The following OTOGL variants were observed in gnomAD, a reference collection of about 807,000 sequenced individuals.
OTOGL encodes the protein otogelin like.
A neutral mutation model predicts 318.5 loss-of-function variants in OTOGL; 285 were observed. The ratio of observed to expected loss-of-function variants is 0.89; its 90% confidence interval spans 0.81 to 0.99. OTOGL has a LOEUF of 0.99. Ranked by LOEUF, OTOGL falls within the 50% of genes least tolerant of loss-of-function variation. The pLI is 0.00. For missense variants in OTOGL, 2,899 were observed against 2,845.6 expected (o/e 1.02, Z -0.43); for synonymous variants, 987 against 936.5 (o/e 1.05, Z -0.99).
intron 26 of OTOGL, among the ~76,000 whole-genome samples, chr12:80,285,750 T>C (rs1379549064): frequency 6.6e-6 from 1 of 152,194 alleles, no homozygotes; most frequent in Non-Finnish European, 1.5e-5. Flanking sequence ...TGAAGTTGCT[T>C]ATCAGCTTAA....
At chr12:80,283,639 T>C (rs1884397078) in intron 26 of OTOGL, among the ~76,000 whole-genome samples, 1 of 152,030 alleles carries the variant, frequency 6.6e-6, no homozygotes, top group Non-Finnish European at 1.5e-5. Flanking sequence ...TTGTTTGACT[T>C]TTTTCAACAG....
chr12:80,214,605 C>G (rs1227996933), intron 4 of OTOGL, among the ~76,000 whole-genome samples: 2 of 152,098 alleles, frequency 1.3e-5, no homozygotes, highest in African/African-American at 4.8e-5. Flanking sequence ...CTGCTGCAGT[C>G]GTGGCTCTAA....
At chr12:80,124,252 A>C (rs1870670465) in intron 1 of OTOGL, among the ~76,000 whole-genome samples, 1 of 152,310 alleles carries the variant, frequency 6.6e-6, no homozygotes, top group East Asian at 1.9e-4. Context: ...AGCTTTCTGC[A>C]TATGTCTAGC....
At chr12:80,219,108 C>T (rs902828484) in intron 5 of OTOGL, among the ~76,000 whole-genome samples, 3 of 151,642 alleles carry the variant, frequency 2.0e-5, no homozygotes, top group Admixed American at 6.6e-5. Flanking sequence ...ATGATTGACC[C>T]GATTCTTTTT....
intron 23 of OTOGL, 34 bp downstream of exon 23, chr12:80,270,188 G>A (rs769884281): frequency 1.3e-6 from 2 of 1,530,024 alleles, no homozygotes; most frequent in Non-Finnish European, 1.8e-6. Context: ...CTGAATGAGG[G>A]TTCAGCTCTG....
chr12:80,273,156 C>T (rs1480659789), intron 24 of OTOGL, among the ~76,000 whole-genome samples: 1 of 152,048 alleles, frequency 6.6e-6, no homozygotes, highest in Non-Finnish European at 1.5e-5. Context: ...AGATTTCCTC[C>T]TACCTTCTCT....
intron 36 of OTOGL, 28 bp downstream of exon 36, chr12:80,328,772 C>A: frequency 6.5e-7 from 1 of 1,543,798 alleles, no homozygotes; most frequent in South Asian, 1.2e-5. Flanking sequence ...TTAATTTACT[C>A]TGAAAAATTA....
rs1169459783 is a variant in OTOGL, at chr12:80,310,626, G to A, written c.3349G>A (p.Glu1117Lys). 6.9e-6 allele frequency: 11 copies of A among 1,590,340 alleles called. No individual in the cohort carries two copies. Among genetic ancestry groups the A allele is most frequent in the Non-Finnish European group, 8.5e-6 (10 of 1,172,160 alleles). Residue 1117 changes from glutamate (E) to lysine (K), a missense_variant, in exon 30 of 59, where the codon GAA (glutamate) becomes AAA (lysine). This residue lies in a region of OTOGL where 2,607 missense variants were observed against 2,524.9 expected (regional missense o/e 1.03). Coordinates refer to ENST00000547103, the MANE Select transcript of OTOGL (RefSeq NM_001378609.3). ...WALGQCESPD[E>K]TIKPCEAHQN... ...TTTTCAACAGTGTGAAAGTCCAGAT[G>A]AAACAATTAAACCCTGTGAGGCACA...
At chr12:80,319,348 G>A (rs1887179201) in intron 33 of OTOGL, among the ~76,000 whole-genome samples, 1 of 152,142 alleles carries the variant, frequency 6.6e-6, no homozygotes, top group South Asian at 2.1e-4. Context: ...AAGTCTACCT[G>A]GAACCATGCA....
intron 1 of OTOGL, among the ~76,000 whole-genome samples, chr12:80,152,043 C>A (rs1872816236): frequency 6.6e-6 from 1 of 152,082 alleles, no homozygotes; most frequent in South Asian, 2.1e-4. Flanking sequence ...AGATCTGAGG[C>A]CTCTTTCTAC....
chr12:80,118,269 T>G (rs1870284073), intron 1 of OTOGL, among the ~76,000 whole-genome samples: 1 of 152,198 alleles, frequency 6.6e-6, no homozygotes, highest in South Asian at 2.1e-4. Context: ...TAGATTGAGC[T>G]CTTTGATCAT....
intron 1 of OTOGL, among the ~76,000 whole-genome samples, chr12:80,136,940 G>A (rs1302463910): frequency 6.6e-6 from 1 of 151,744 alleles, no homozygotes; most frequent in Non-Finnish European, 1.5e-5. Flanking sequence ...GTTTGCTATG[G>A]TATTCCCCAT....
rs1038242886 is a variant in OTOGL, at chr12:80,367,456, T to C, written c.6332-105T>C. ...GAAGATCTTCATTAGTTTTGAAAAA[T>C]TGGCACATCGCAATGAAAACATAGA... On this transcript the variant is annotated intron_variant, in intron 53 of 58. Coordinates refer to ENST00000547103, the MANE Select transcript of OTOGL (RefSeq NM_001378609.3). The C allele has an allele frequency of 4.5e-5, 37 of 827,760 alleles. 1 individual carries two copies. The South Asian group carries it at 6.3e-4, about 14-fold the overall frequency. The allele number at this position is 827,760 out of a possible 1,614,324, so 51.3% of individuals were successfully genotyped here.
At chr12:80,172,320 C>T (rs979774015) in intron 1 of OTOGL, among the ~76,000 whole-genome samples, 2 of 152,140 alleles carry the variant, frequency 1.3e-5, no homozygotes, top group Non-Finnish European at 1.5e-5. Context: ...GTATGTTATA[C>T]TTCTCTTATG....
intron 21 of OTOGL, among the ~76,000 whole-genome samples, chr12:80,267,015 T>C (rs559563818): frequency 6.6e-6 from 1 of 152,278 alleles, no homozygotes; most frequent in Non-Finnish European, 1.5e-5. Context: ...ATTTTTCTTG[T>C]GACTAAAACA....
intron 11 of OTOGL, among the ~76,000 whole-genome samples, chr12:80,243,002 A>G (rs917140271): frequency 6.6e-6 from 1 of 151,964 alleles, no homozygotes; most frequent in Non-Finnish European, 1.5e-5. Context: ...GCGATGCCAA[A>G]GCCAATTGAT....
intron 1 of OTOGL, among the ~76,000 whole-genome samples, chr12:80,157,239 T>C (rs1180895566): frequency 1.3e-5 from 2 of 152,204 alleles, no homozygotes; most frequent in African/African-American, 2.4e-5. Flanking sequence ...GTATGTCTTC[T>C]TTTGAGAACT....
chr12:80,148,042 A>G (rs1478474141), intron 1 of OTOGL, among the ~76,000 whole-genome samples: 1 of 151,978 alleles, frequency 6.6e-6, no homozygotes, highest in Non-Finnish European at 1.5e-5. Context: ...TGGAGCATTT[A>G]GTCCATTTAC....
intron 1 of OTOGL, among the ~76,000 whole-genome samples, chr12:80,149,519 T>C (rs985913594): frequency 1.3e-5 from 2 of 152,006 alleles, no homozygotes; most frequent in African/African-American, 2.4e-5. Flanking sequence ...TGCTGTCTTT[T>C]TGTTTGTCTG....
Sources: allele counts gnomAD v4.1 joint callset (sites outside exome capture counted in the v4.1 genomes callset), GRCh38; gene constraint gnomAD v4.1.1; regional missense constraint gnomAD v4.1.1; transcripts MANE v1.5; gene names NCBI Gene and HGNC (gene_info 2026-07-23, HGNC 2026-07-21).